The following TMTC3 variants were observed in gnomAD, a reference collection of about 807,000 sequenced individuals.
The protein encoded by TMTC3 is transmembrane O-mannosyltransferase targeting cadherins 3, also known as protein O-mannosyl-transferase TMTC3.
In TMTC3, 52 loss-of-function variants were observed where a neutral mutation model predicts 92.2. The ratio of observed to expected loss-of-function variants is 0.56; its 90% CI spans 0.45 to 0.71. The LOEUF is 0.71. Ranked by LOEUF, TMTC3 falls within the 30% of genes least tolerant of loss-of-function variation. The pLI is 0.00. For synonymous variants in TMTC3, 339 were observed against 363.3 expected, an observed-to-expected ratio of 0.93 and a Z score of 0.76; for missense variants, 896 against 1,057.1, an observed-to-expected ratio of 0.85 and a Z score of 2.11.
chr12:88,146,225 T>C (rs1269956018), intron 1 of TMTC3, among the ~76,000 whole-genome samples: 1 of 152,168 alleles, frequency 6.6e-6, no homozygotes, highest in African/African-American at 2.4e-5. Flanking sequence ...TCTCTCTCCC[T>C]TTCTCTCATA....
At chr12:88,185,625 G>A (rs1177038533) in intron 10 of TMTC3, among the ~76,000 whole-genome samples, 2 of 152,020 alleles carry the variant, frequency 1.3e-5, no homozygotes, top group African/African-American at 4.8e-5. Context: ...ATGGTCATAT[G>A]ATTTCTGTAT....
chr12:88,148,345 C>G lies in TMTC3; in HGVS notation c.30C>G (p.Thr10=), dbSNP rs201753942. 1.4e-5 allele frequency: 23 copies of G among 1,612,932 alleles called. No homozygotes were observed. The East Asian group carries it at 4.2e-4, about 30-fold the overall frequency. The change falls in exon 2 of 14, where the codon ACC becomes ACG. Residue 10 remains threonine (T), a synonymous_variant. Transcript: ENST00000266712. ...CTAATATTAACCTAAAAGAAATAAC[C>G]TTAATAGTAGGTGTGGTTACTGCCT... The part of the protein sequence containing the change: MANINLKEI[T]LIVGVVTACY...
In TMTC3 at chr12:88,148,340, A is replaced by T; in HGVS notation, c.25A>T (p.Ile9Leu). 6.2e-7 allele frequency: 1 copy of T among 1,611,462 alleles called. No individual in the cohort carries two copies. Among genetic ancestry groups the T allele is most frequent in the Non-Finnish European group, 8.5e-7 (1 of 1,179,136 alleles). Residue 9 changes from isoleucine to leucine, a missense_variant, in exon 2 of 14, where the codon ATA (isoleucine) becomes TTA (leucine). Coordinates refer to ENST00000266712, the MANE Select transcript of TMTC3 (RefSeq NM_181783.4). ...GATGGCTAATATTAACCTAAAAGAA[A>T]TAACCTTAATAGTAGGTGTGGTTAC... MANINLKE[I>L]TLIVGVVTAC...
intron 2 of TMTC3, 64 bp from the exon 3 acceptor site, chr12:88,153,227 A>G: frequency 9.7e-7 from 1 of 1,032,902 alleles, no homozygotes; most frequent in South Asian, 1.6e-5. Context: ...AAATGCAGTG[A>G]TGAGCTTTTG....
intron 10 of TMTC3, among the ~76,000 whole-genome samples, chr12:88,180,099 G>A (rs2041300683): frequency 6.6e-6 from 1 of 152,026 alleles, no homozygotes; most frequent in South Asian, 2.1e-4. Context: ...TCTGTTTTTT[G>A]CATCAGGTTT....
At chr12:88,147,462 T>C (rs927102251) in intron 1 of TMTC3, among the ~76,000 whole-genome samples, 1 of 152,192 alleles carries the variant, frequency 6.6e-6, no homozygotes, top group African/African-American at 2.4e-5. Flanking sequence ...AATTACAACA[T>C]GTATATATAG....
intron 10 of TMTC3, among the ~76,000 whole-genome samples, chr12:88,185,908 T>C (rs2041372962): frequency 6.6e-6 from 1 of 152,188 alleles, no homozygotes; most frequent in Non-Finnish European, 1.5e-5. Flanking sequence ...TTGTGACTTA[T>C]TATCTTTATT....
Position 88,190,582 on chromosome 12 carries a change from A to G in TMTC3, c.1666A>G (p.Ile556Val). 1 of 1,613,982 alleles carries G rather than the reference A, an allele frequency of 6.2e-7. No homozygotes were observed. Among genetic ancestry groups the G allele is most frequent in the South Asian group, 1.1e-5 (1 of 91,078 alleles). ...AGCAGATCAGCTGTACCGTCAAGCA[A>G]TAAGCATGAGGCCCGACTTCAAGCA... ...EEADQLYRQA[I>V]SMRPDFKQAY... Residue 556 changes from isoleucine to valine, a missense_variant, in exon 12 of 14, where the codon ATA (isoleucine) becomes GTA (valine). Ile to Val is a conservative substitution (Grantham distance 29). Transcript: ENST00000266712.
At chr12:88,194,172 T>A (rs2041477750) in intron 13 of TMTC3, among the ~76,000 whole-genome samples, 2 of 152,122 alleles carry the variant, frequency 1.3e-5, no homozygotes. Context: ...CAGTGACCTG[T>A]GGACACAGCA....
chr12:88,162,340 A>C (rs752321564), intron 6 of TMTC3, among the ~76,000 whole-genome samples: 1 of 152,094 alleles, frequency 6.6e-6, no homozygotes, highest in South Asian at 2.1e-4. Context: ...AAATCTGTAG[A>C]TTTTAATTTT....
chr12:88,149,570 A>G (rs959751318), intron 2 of TMTC3, among the ~76,000 whole-genome samples: 7 of 152,190 alleles, frequency 4.6e-5, no homozygotes, highest in Non-Finnish European at 7.3e-5. Context: ...GTAATAAATG[A>G]ATTATTTTAT....
intron 10 of TMTC3, among the ~76,000 whole-genome samples, chr12:88,180,507 C>G (rs1268450793): frequency 1.3e-5 from 2 of 152,182 alleles, no homozygotes; most frequent in Non-Finnish European, 2.9e-5. Flanking sequence ...TAATGTACAA[C>G]AGAAAGCATA....
At chr12:88,186,293 A>C (rs1241785921) in intron 10 of TMTC3, among the ~76,000 whole-genome samples, 1 of 152,178 alleles carries the variant, frequency 6.6e-6, no homozygotes, top group African/African-American at 2.4e-5. Context: ...GTTTGTTACT[A>C]TTAAAAACAC....
intron 10 of TMTC3, among the ~76,000 whole-genome samples, chr12:88,182,710 T>C (rs2041331767): frequency 6.6e-6 from 1 of 152,144 alleles, no homozygotes; most frequent in South Asian, 2.1e-4. Context: ...ATGAATAATC[T>C]TGTATTTAGG....
chr12:88,183,097 G>C (rs993577205), intron 10 of TMTC3, among the ~76,000 whole-genome samples: 6 of 152,146 alleles, frequency 3.9e-5, no homozygotes, highest in Non-Finnish European at 8.8e-5. Flanking sequence ...TGACGGTTCT[G>C]TATGGCTGGC....
In TMTC3 at chr12:88,190,671, T is replaced by A. The variant is rs770045834; in HGVS notation, c.1706+49T>A. ...ATCATTATGGAATATTGAAACTGCA[T>A]CTCCATGTACATTTTGAATGAATTG... On this transcript the variant is annotated intron_variant, in intron 12 of 13. Coordinates refer to ENST00000266712, the MANE Select transcript of TMTC3 (RefSeq NM_181783.4). The A allele has an allele frequency of 4.5e-6, 7 of 1,564,136 alleles. No individual in the cohort carries two copies. The Admixed American group carries it at 1.3e-4, about 28-fold the overall frequency.
At chr12:88,179,837 G>A (rs1322439245) in intron 10 of TMTC3, among the ~76,000 whole-genome samples, 4 of 152,128 alleles carry the variant, frequency 2.6e-5, no homozygotes, top group East Asian at 1.9e-4. Flanking sequence ...AGTCCTGTGC[G>A]CAAATGATCA....
At chr12:88,182,995 A>G (rs989956122) in intron 10 of TMTC3, among the ~76,000 whole-genome samples, 1 of 152,212 alleles carries the variant, frequency 6.6e-6, no homozygotes, top group South Asian at 2.1e-4. Flanking sequence ...TATAGGTTAC[A>G]AATTAGCACT....
At chr12:88,147,177 A>G (rs1187147943) in intron 1 of TMTC3, among the ~76,000 whole-genome samples, 1 of 152,048 alleles carries the variant, frequency 6.6e-6, no homozygotes, top group Non-Finnish European at 1.5e-5. Flanking sequence ...AAACATTGCA[A>G]GTACTCTAAA....
Sources: allele counts gnomAD v4.1 joint callset (sites outside exome capture counted in the v4.1 genomes callset), GRCh38; gene constraint gnomAD v4.1.1; transcripts MANE v1.5; gene names NCBI Gene and HGNC (gene_info 2026-07-23, HGNC 2026-07-21).